Variants in SPAG16 observed in about 807,000 individuals in gnomAD.
SPAG16 encodes sperm associated antigen 16.
SPAG16 carries 86 observed loss-of-function variants against 80.4 expected under a neutral mutation model. That is an observed-to-expected ratio of 1.07 (90% CI 0.90 to 1.28). The LOEUF is 1.28. Ranked by LOEUF, SPAG16 falls within the 50% of genes most tolerant of loss-of-function variation. The pLI, the probability that SPAG16 is intolerant of heterozygous loss-of-function variation, is 0.00. For synonymous variants in SPAG16, 294 were observed against 265.9 expected (o/e 1.11, Z -1.03); for missense variants, 870 against 765.3 (o/e 1.14, Z -1.61).
At chr2:213,662,209 A>G (rs1330340798) in intron 10 of SPAG16, among the ~76,000 whole-genome samples, 1 of 152,156 alleles carries the variant, frequency 6.6e-6, no homozygotes, top group African/African-American at 2.4e-5. Flanking sequence ...ATCATTCATT[A>G]CAAGGTTAAA....
intron 15 of SPAG16, among the ~76,000 whole-genome samples, chr2:214,396,479 T>A (rs1254434647): frequency 5.3e-5 from 8 of 152,166 alleles, no homozygotes; most frequent in Non-Finnish European, 1.0e-4. Flanking sequence ...TAATATTTTT[T>A]AATGTTTTAT....
intron 13 of SPAG16, among the ~76,000 whole-genome samples, chr2:214,061,101 G>A (rs1482964724): frequency 6.6e-6 from 1 of 152,158 alleles, no homozygotes; most frequent in African/African-American, 2.4e-5. Context: ...ACTAAGAGAG[G>A]TAAGTCCTTC....
At chr2:214,279,429 C>T (rs567683166) in intron 15 of SPAG16, among the ~76,000 whole-genome samples, 1 of 152,250 alleles carries the variant, frequency 6.6e-6, no homozygotes, top group Admixed American at 6.5e-5. Context: ...ATGAAAAACA[C>T]AGTGCTACAT....
chr2:214,126,121 G>A (rs1470452808), intron 14 of SPAG16, among the ~76,000 whole-genome samples: 1 of 146,098 alleles, frequency 6.8e-6, no homozygotes, highest in Non-Finnish European at 1.5e-5. Flanking sequence ...TGGCAATGGG[G>A]CAGGTCCCAC....
intron 12 of SPAG16, among the ~76,000 whole-genome samples, chr2:213,993,146 A>G (rs960867691): frequency 1.3e-5 from 2 of 152,212 alleles, no homozygotes; most frequent in Non-Finnish European, 2.9e-5. Context: ...GACAGCTTAC[A>G]GAGAATGACA....
chr2:213,492,325 G>A (rs1406761575), intron 10 of SPAG16, among the ~76,000 whole-genome samples: 1 of 152,036 alleles, frequency 6.6e-6, no homozygotes, highest in Non-Finnish European at 1.5e-5. Context: ...AGGCTGAGGT[G>A]GGCAGATCAC....
At chr2:213,392,954 G>A (rs2067839597) in intron 9 of SPAG16, among the ~76,000 whole-genome samples, 1 of 151,954 alleles carries the variant, frequency 6.6e-6, no homozygotes, top group Admixed American at 6.6e-5. Context: ...ATCATGCCAT[G>A]TTAAATAGAT....
chr2:213,404,819 A>G (rs989585356), intron 9 of SPAG16, among the ~76,000 whole-genome samples: 1 of 151,934 alleles, frequency 6.6e-6, no homozygotes, highest in Non-Finnish European at 1.5e-5. Context: ...TTTTACTTCT[A>G]AAGGTCATAT....
Position 213,352,158 on chromosome 2 carries a change from C to CT in SPAG16, c.762+1526dup, listed in dbSNP as rs534931836. 2.4e-3 allele frequency among the ~76,000 whole-genome samples: 343 copies of CT among 141,714 alleles called. 4 individuals are homozygous for CT. The highest frequency in any genetic ancestry group is 7.5e-3 in the Middle Eastern group (2 of 266). 93.0% of individuals were successfully genotyped at this position (141,714 alleles called of 152,430 possible). On this transcript the variant is annotated intron_variant, in intron 7 of 15. Transcript: ENST00000331683. ...AACTTGAGCCAATTAAACCTCTAGT[C>CT]TTTTTTTTTTTTTAATATATTTTTA... is the stretch of plus-strand genomic sequence containing the variant.
intron 10 of SPAG16, among the ~76,000 whole-genome samples, chr2:213,804,397 A>G (rs1390090068): frequency 1.3e-5 from 2 of 152,166 alleles, no homozygotes; most frequent in Non-Finnish European, 2.9e-5. Context: ...AAAGAACATT[A>G]TAAGGGCCGG....
At chr2:214,393,708 C>T (rs1247420815) in intron 15 of SPAG16, among the ~76,000 whole-genome samples, 3 of 151,992 alleles carry the variant, frequency 2.0e-5, no homozygotes, top group Non-Finnish European at 4.4e-5. Context: ...TGCTTTACAA[C>T]ACTCATAATG....
Position 213,751,886 on chromosome 2 carries a change from A to G in SPAG16, c.1071-110599A>G, listed in dbSNP as rs549466523. On this transcript the variant is annotated intron_variant, in intron 10 of 15. Transcript: ENST00000331683. ...CTCAGGCCCAGTTTTTTTACTTTCC[A>G]GGTCAGAACAGGGCTGGAGCTTATG... Among the ~76,000 whole-genome samples, 7 of 152,314 alleles carry G rather than the reference A, an allele frequency of 4.6e-5. No individual in the cohort carries two copies. The East Asian group carries it at 1.4e-3, about 29-fold the overall frequency.
chr2:213,930,091 A>G lies in SPAG16; in HGVS notation c.1346A>G (p.Asn449Ser), dbSNP rs374962926. ...TCCTGCACATGGCACTCCTGCGGCA[A>G]TTTTGTGGCTTCCTCCTCACTGGAT... ...VWSCTWHSCG[N>S]FVASSSLDKT... The change falls in exon 12 of 16, where the codon AAT (asparagine) becomes AGT (serine). Residue 449 changes from asparagine to serine, a missense_variant. Transcript: ENST00000331683. 1.9e-6 allele frequency: 3 copies of G among 1,613,998 alleles called. No homozygotes were observed. The highest frequency in any genetic ancestry group is 2.5e-6 in the Non-Finnish European group (3 of 1,179,942).
At chr2:213,865,936 CTA>C (rs3046040) in intron 11 of SPAG16, among the ~76,000 whole-genome samples, 4 of 147,268 alleles carry the variant, frequency 2.7e-5, no homozygotes, top group Non-Finnish European at 6.0e-5. Flanking sequence ...TATATATATA[CTA>C]TATATATATG....
intron 15 of SPAG16, among the ~76,000 whole-genome samples, chr2:214,377,378 G>T (rs114724238): frequency 3.9e-5 from 6 of 152,288 alleles, no homozygotes; most frequent in Non-Finnish European, 5.9e-5. Flanking sequence ...TGCTTGATAT[G>T]TACCATAGAT....
At chr2:214,317,491 C>T (rs908386591) in intron 15 of SPAG16, among the ~76,000 whole-genome samples, 1 of 152,174 alleles carries the variant, frequency 6.6e-6, no homozygotes. Flanking sequence ...CCTTAAGATT[C>T]CCGAACCCAT....
At chr2:214,035,688 C>G (rs2048659367) in intron 13 of SPAG16, among the ~76,000 whole-genome samples, 1 of 152,172 alleles carries the variant, frequency 6.6e-6, no homozygotes, top group South Asian at 2.1e-4. Context: ...CCTGTGCCCC[C>G]AAGAGTGCAG....
chr2:214,263,341 G>A (rs1430399809), intron 15 of SPAG16, among the ~76,000 whole-genome samples: 2 of 152,030 alleles, frequency 1.3e-5, no homozygotes, highest in Non-Finnish European at 2.9e-5. Context: ...GTCTTTACCT[G>A]CTTTGTTTGC....
chr2:213,578,321 A>G lies in SPAG16; in HGVS notation c.1070+88231A>G, dbSNP rs748394612. Among the ~76,000 whole-genome samples the G allele has an allele frequency of 9.8e-5, 15 of 152,318 alleles. 1 individual carries two copies. The highest frequency in any genetic ancestry group is 6.8e-3 in the Middle Eastern group (2 of 294). On this transcript the variant is annotated intron_variant, in intron 10 of 15. Coordinates refer to ENST00000331683, the MANE Select transcript of SPAG16 (RefSeq NM_024532.5). ...AATTGCCAGTGAAAAGCAAACAACA[A>G]TAAGTTGTTTAAAGTGTGAGAAAAC...
Sources: gnomAD v4.1 joint callset for allele counts (sites outside exome capture counted in the v4.1 genomes callset) on GRCh38, gnomAD v4.1.1 for gene constraint, MANE v1.5 for transcripts, NCBI Gene and HGNC (gene_info 2026-07-23, HGNC 2026-07-21) for gene names.